The following CNGB3 variants were observed in gnomAD, a reference collection of about 807,000 sequenced individuals.
CNGB3 encodes cyclic nucleotide gated channel subunit beta 3, also known as cyclic nucleotide-gated channel beta-3.
CNGB3 carries 86 observed loss-of-function variants against 92.8 expected under a neutral mutation model. The ratio of observed to expected loss-of-function variants is 0.93; its 90% CI spans 0.78 to 1.11. The LOEUF (loss-of-function observed/expected upper bound fraction) is 1.11, where lower values mean the gene tolerates loss of function less well. Among genes scored for constraint, CNGB3 ranks in the 50% least tolerant of loss-of-function variants. The pLI, the probability that CNGB3 is intolerant of heterozygous loss-of-function variation, is 0.00. For synonymous variants in CNGB3, 333 were observed against 332.7 expected (o/e 1.00, Z -0.01); for missense variants, 1,026 against 956.8 (o/e 1.07, Z -0.95).
chr8:86,733,178 G>C (rs1408882876), intron 2 of CNGB3, among the ~76,000 whole-genome samples: 1 of 152,074 alleles, frequency 6.6e-6, no homozygotes, highest in African/African-American at 2.4e-5. Context: ...ACACTTATAA[G>C]TGAGAACATG....
chr8:86,635,849 TA>T (rs1823057174), intron 10 of CNGB3, among the ~76,000 whole-genome samples: 1 of 74,718 alleles, frequency 1.3e-5, no homozygotes, highest in South Asian at 4.4e-4. Flanking sequence ...TATATATATA[TA>T]TATATATATA....
At chr8:86,738,622 G>A (rs897298796) in intron 2 of CNGB3, among the ~76,000 whole-genome samples, 1 of 152,070 alleles carries the variant, frequency 6.6e-6, no homozygotes. Context: ...GGAGGATCAC[G>A]AGGTCAGGAG....
At position 86,658,969 on chromosome 8, in the gene CNGB3, G is replaced by T. The variant is rs978078066; in HGVS notation, c.853-4907C>A. ...AGGAGACTCAAGCCCTCATTGTCTT[G>T]CACCTGGGCTTGGAGCTGTCCTGCC... On this transcript the variant is annotated intron_variant, in intron 6 of 17. Transcript: ENST00000320005. The T allele has an allele frequency of 7.3e-6, 8 of 1,099,934 alleles. No individual in the cohort carries two copies. The African/African-American group carries it at 1.2e-4, about 17-fold the overall frequency. 68.1% of individuals were successfully genotyped at this position (1,099,934 alleles called of 1,614,324 possible).
At chr8:86,600,745 G>C (rs1394304082) in intron 15 of CNGB3, among the ~76,000 whole-genome samples, 1 of 146,230 alleles carries the variant, frequency 6.8e-6, no homozygotes, top group East Asian at 2.0e-4. Flanking sequence ...GAGTAGCTGG[G>C]ACTACAGGTG....
intron 15 of CNGB3, among the ~76,000 whole-genome samples, chr8:86,584,224 T>G (rs1014500289): frequency 1.3e-5 from 2 of 152,190 alleles, no homozygotes; most frequent in Non-Finnish European, 2.9e-5. Context: ...CCTTCTTCCC[T>G]TTCTATGAAA....
intron 3 of CNGB3, among the ~76,000 whole-genome samples, chr8:86,702,836 T>C (rs1824579685): frequency 6.6e-6 from 1 of 151,960 alleles, no homozygotes; most frequent in African/African-American, 2.4e-5. Flanking sequence ...TTAAGTATTT[T>C]CTCCGTTTTT....
At chr8:86,726,680 G>A (rs758655614) in intron 2 of CNGB3, 23 bp from the exon 3 acceptor site, 39 of 1,612,494 alleles carry the variant, frequency 2.4e-5, no homozygotes, top group Admixed American at 1.5e-4. Context: ...AATTCACATA[G>A]ATAGAAGAAT....
chr8:86,669,371 C>T (rs887342255), intron 4 of CNGB3, among the ~76,000 whole-genome samples: 2 of 152,040 alleles, frequency 1.3e-5, no homozygotes, highest in African/African-American at 4.8e-5. Flanking sequence ...AATGAAAACA[C>T]TGAAATTTGG....
chr8:86,698,642 C>T (rs1824494345), intron 3 of CNGB3, among the ~76,000 whole-genome samples: 1 of 151,948 alleles, frequency 6.6e-6, no homozygotes, highest in African/African-American at 2.4e-5. Flanking sequence ...TATAAATTAC[C>T]AAGATTTTTG....
In CNGB3 at chr8:86,637,841, A is replaced by T. The variant is rs576782699; in HGVS notation, c.1179-4948T>A. On this transcript the variant is annotated intron_variant, in intron 10 of 17. Transcript: ENST00000320005. ...ACATGTTAAGACATAGAGCCTTGCC[A>T]TCACTTTAGAAAGTTCTCTCAATTC... 1.1e-4 allele frequency among the ~76,000 whole-genome samples: 17 copies of T among 152,302 alleles called. No individual in the cohort carries two copies. In the South Asian group the frequency reaches 3.5e-3, roughly 32 times the overall value.
intron 1 of CNGB3, among the ~76,000 whole-genome samples, chr8:86,741,573 G>A (rs1431593983): frequency 1.3e-5 from 2 of 152,090 alleles, no homozygotes; most frequent in Non-Finnish European, 2.9e-5. Flanking sequence ...GGCTGAGGCA[G>A]GAGAATCGTT....
intron 15 of CNGB3, among the ~76,000 whole-genome samples, chr8:86,590,554 G>T (rs370057772): frequency 6.6e-6 from 1 of 151,944 alleles, no homozygotes; most frequent in Non-Finnish European, 1.5e-5. Flanking sequence ...AAATCTCTCA[G>T]CATTTGCTTG....
chr8:86,581,793 A>C (rs370097071), intron 15 of CNGB3, among the ~76,000 whole-genome samples: 3 of 152,154 alleles, frequency 2.0e-5, no homozygotes, highest in East Asian at 1.9e-4. Flanking sequence ...CAGCAGCAAG[A>C]TGCAAACCCT....
intron 4 of CNGB3, among the ~76,000 whole-genome samples, chr8:86,668,416 C>T (rs762488487): frequency 1.1e-4 from 16 of 151,992 alleles, no homozygotes; most frequent in Non-Finnish European, 1.2e-4. Context: ...AGCAAACCAC[C>T]ATAGCCCATG....
intron 6 of CNGB3, among the ~76,000 whole-genome samples, chr8:86,656,070 G>T (rs193272418): frequency 9.4e-4 from 143 of 152,228 alleles, no homozygotes; most frequent in African/African-American, 3.2e-3. Flanking sequence ...TCATATACAT[G>T]TACTAAATTT....
At chr8:86,693,432 ATTATTTAT>A (rs1554615923) in intron 3 of CNGB3, among the ~76,000 whole-genome samples, 26 of 138,086 alleles carry the variant, frequency 1.9e-4, no homozygotes, top group East Asian at 1.3e-3. Flanking sequence ...TATTATTATT[ATTATTTAT>A]TTATTTATTT....
chr8:86,591,343 CAA>C (rs202019174), intron 15 of CNGB3, among the ~76,000 whole-genome samples: 126,325 of 146,588 alleles, frequency 0.86, 54,540 homozygotes, highest in Non-Finnish European at 0.89. Context: ...CTCAGCTCGT[CAA>C]AGTCATTCTC....
intron 13 of CNGB3, among the ~76,000 whole-genome samples, chr8:86,623,126 A>T (rs928847696): frequency 6.6e-6 from 1 of 152,092 alleles, no homozygotes; most frequent in Non-Finnish European, 1.5e-5. Flanking sequence ...TTCTTTCCAT[A>T]CTTACATCTT....
At chr8:86,643,075 C>T (rs1040737888) in intron 10 of CNGB3, among the ~76,000 whole-genome samples, 3 of 150,914 alleles carry the variant, frequency 2.0e-5, no homozygotes, top group Non-Finnish European at 4.5e-5. Context: ...GTAAAAAATG[C>T]ATTTCACAGG....
Sources: gnomAD v4.1 joint callset for allele counts (sites outside exome capture counted in the v4.1 genomes callset) on GRCh38, gnomAD v4.1.1 for gene constraint, MANE v1.5 for transcripts, NCBI Gene and HGNC (gene_info 2026-07-23, HGNC 2026-07-21) for gene names.